Variants in METTL15 observed in about 807,000 individuals in gnomAD.
METTL15 encodes methyltransferase 15, mitochondrial 12S rRNA N4-cytidine, also known as 12S rRNA N(4)-cytidine methyltransferase METTL15.
METTL15 carries 34 observed loss-of-function variants against 38.3 expected under a neutral mutation model. That is an observed-to-expected ratio of 0.89 (90% CI 0.68 to 1.18). The LOEUF (loss-of-function observed/expected upper bound fraction) is 1.18. Among genes scored for constraint, METTL15 ranks in the 50% most tolerant of loss-of-function variants. METTL15 has a pLI of 0.00. For missense variants in METTL15, 438 were observed against 498.4 expected (o/e 0.88, Z 1.15); for synonymous variants, 162 against 170.9 (o/e 0.95, Z 0.41).
intron 6 of METTL15, among the ~76,000 whole-genome samples, chr11:28,453,758 C>A (rs1851143531): frequency 6.6e-6 from 1 of 152,204 alleles, no homozygotes; most frequent in African/African-American, 2.4e-5. Flanking sequence ...TCCTCACCAT[C>A]ATTAGCTTTC....
chr11:28,134,091 C>G (rs142424450), intron 3 of METTL15, among the ~76,000 whole-genome samples: 4 of 152,174 alleles, frequency 2.6e-5, no homozygotes, highest in Non-Finnish European at 4.4e-5. Context: ...AACGGAACAA[C>G]ATGTGAACTG....
At chr11:28,250,402 A>G (rs1008068665) in intron 4 of METTL15, among the ~76,000 whole-genome samples, 2 of 151,730 alleles carry the variant, frequency 1.3e-5, no homozygotes, top group Non-Finnish European at 3.0e-5. Context: ...TTGGACTTTT[A>G]AAAAATGCCC....
In METTL15 at chr11:28,295,829, A is replaced by G. The variant is rs551886979; in HGVS notation, c.600-924A>G. 1.5e-4 allele frequency among the ~76,000 whole-genome samples: 23 copies of G among 152,168 alleles called. No individual in the cohort carries two copies. In the South Asian group the frequency reaches 4.4e-3, roughly 29 times the overall value. On this transcript the variant is annotated intron_variant, in intron 5 of 6. Coordinates refer to ENST00000407364, the MANE Select transcript of METTL15 (RefSeq NM_001113528.2). The stretch of plus-strand genomic sequence containing the variant: ...GGTTGGACCCTCAGTTCTTAAAGCT[A>G]CCATACCCTTGTTACTTACAGATCC...
intron 4 of METTL15, chr11:28,287,762 C>T (rs1856341022): frequency 6.6e-6 from 1 of 152,584 alleles, no homozygotes; most frequent in Non-Finnish European, 1.5e-5. Flanking sequence ...GCCAAACAAC[C>T]CTTTTTATCA....
intron 4 of METTL15, among the ~76,000 whole-genome samples, chr11:28,222,887 G>A (rs1853306233): frequency 6.6e-6 from 1 of 152,116 alleles, no homozygotes; most frequent in African/African-American, 2.4e-5. Context: ...TACAAAACTA[G>A]AGAGAAGACA....
intron 5 of METTL15, among the ~76,000 whole-genome samples, chr11:28,294,767 G>C (rs1856667849): frequency 6.6e-6 from 1 of 152,034 alleles, no homozygotes; most frequent in South Asian, 2.1e-4. Context: ...ACCTTCCAGT[G>C]TTGCACCTTT....
At chr11:28,172,197 T>C (rs1398958905) in intron 3 of METTL15, among the ~76,000 whole-genome samples, 1 of 152,180 alleles carries the variant, frequency 6.6e-6, no homozygotes, top group Non-Finnish European at 1.5e-5. Context: ...AGACAAAATA[T>C]GGCTTCACAA....
At chr11:28,467,839 T>C (rs953157502) in intron 6 of METTL15, among the ~76,000 whole-genome samples, 2 of 152,172 alleles carry the variant, frequency 1.3e-5, no homozygotes, top group Non-Finnish European at 2.9e-5. Context: ...TAGTAAGCTA[T>C]AGAGCCATGA....
chr11:28,238,449 G>T (rs933422495), intron 4 of METTL15, among the ~76,000 whole-genome samples: 19 of 152,218 alleles, frequency 1.2e-4, no homozygotes, highest in African/African-American at 4.3e-4. Context: ...CGTTTCCTAA[G>T]CCCGTCGGAA....
chr11:28,490,343 C>G (rs1048499918), intron 6 of METTL15, among the ~76,000 whole-genome samples: 1 of 152,114 alleles, frequency 6.6e-6, no homozygotes, highest in African/African-American at 2.4e-5. Flanking sequence ...TAGCTGTAGA[C>G]CCTCAGATTC....
intron 5 of METTL15, among the ~76,000 whole-genome samples, chr11:28,377,967 C>T (rs887958919): frequency 1.3e-4 from 20 of 152,090 alleles, no homozygotes; most frequent in South Asian, 6.2e-4. Flanking sequence ...TTAGGCTGCT[C>T]GGGGGTCAGG....
intron 6 of METTL15, among the ~76,000 whole-genome samples, chr11:28,491,730 C>T (rs1051941220): frequency 6.6e-6 from 1 of 152,200 alleles, no homozygotes; most frequent in South Asian, 2.1e-4. Context: ...TAATATAGAA[C>T]ATCAATTAAA....
chr11:28,157,400 G>A (rs1850299838), intron 3 of METTL15, among the ~76,000 whole-genome samples: 1 of 152,190 alleles, frequency 6.6e-6, no homozygotes, highest in African/African-American at 2.4e-5. Context: ...GGTGCTTAAG[G>A]TGTCAGTGGC....
rs143248669 is a variant in METTL15, at chr11:28,183,621, G to T, written c.271-27441G>T. 1.2e-3 allele frequency among the ~76,000 whole-genome samples: 180 copies of T among 152,184 alleles called. 2 individuals are homozygous for T. The highest frequency in any genetic ancestry group is 9.5e-3 in the East Asian group (49 of 5,174). ...CAGGGATGAAGCCGACTTGATCGTGGTGGATAAGCTTTTCGATGTGCTGCT... is the reference window on the plus strand; with the variant it reads ...CAGGGATGAAGCCGACTTGATCGTGTTGGATAAGCTTTTCGATGTGCTGCT... On this transcript the variant is annotated intron_variant, in intron 3 of 6. Coordinates refer to ENST00000407364, the MANE Select transcript of METTL15 (RefSeq NM_001113528.2).
intron 5 of METTL15, among the ~76,000 whole-genome samples, chr11:28,404,815 A>G (rs1457062834): frequency 6.6e-6 from 1 of 152,158 alleles, no homozygotes; most frequent in African/African-American, 2.4e-5. Context: ...GGCAAAAGAC[A>G]GGACAGAGGC....
intron 3 of METTL15, among the ~76,000 whole-genome samples, chr11:28,116,501 A>G (rs548818685): frequency 6.6e-6 from 1 of 152,320 alleles, no homozygotes; most frequent in East Asian, 1.9e-4. Flanking sequence ...CCTAGGTTCT[A>G]AGCTCTTGTC....
chr11:28,398,059 A>G (rs990949629), intron 5 of METTL15, among the ~76,000 whole-genome samples: 1 of 151,836 alleles, frequency 6.6e-6, no homozygotes, highest in African/African-American at 2.4e-5. Flanking sequence ...TGGACCAGGA[A>G]GGGGAATATC....
chr11:28,485,641 C>T (rs541681892), intron 6 of METTL15, among the ~76,000 whole-genome samples: 6 of 152,210 alleles, frequency 3.9e-5, no homozygotes, highest in East Asian at 1.9e-4. Flanking sequence ...AAAGATAAAA[C>T]GTTATTGAGA....
chr11:28,191,577 C>G (rs1378536657), intron 3 of METTL15, among the ~76,000 whole-genome samples: 1 of 151,252 alleles, frequency 6.6e-6, no homozygotes, highest in African/African-American at 2.4e-5. Flanking sequence ...GGATATAAAT[C>G]TGTTGTATAT....
Sources: allele counts gnomAD v4.1 joint callset (sites outside exome capture counted in the v4.1 genomes callset), GRCh38; gene constraint gnomAD v4.1.1; transcripts MANE v1.5; gene names NCBI Gene and HGNC (gene_info 2026-07-23, HGNC 2026-07-21).